Variants in SLC9A7 observed in about 807,000 individuals in gnomAD.
SLC9A7 encodes the protein sodium/hydrogen exchanger 7.
SLC9A7 carries 19 observed loss-of-function variants against 52.6 expected under a neutral mutation model. The ratio of observed to expected loss-of-function variants is 0.36; its 90% CI spans 0.25 to 0.53. The LOEUF is 0.53. Among genes scored for constraint, SLC9A7 ranks in the 20% least tolerant of loss-of-function variants. The pLI is 0.91. For missense variants in SLC9A7, 455 were observed against 597.9 expected (o/e 0.76, Z 2.49); for synonymous variants, 226 against 252.1 (o/e 0.90, Z 0.98).
At position 46,606,625 on chromosome X, in the gene SLC9A7, C is replaced by A. The variant is rs1423856439; in HGVS notation, c.*327G>T. 2.2e-6 allele frequency: 2 copies of A among 915,782 alleles called. No individual in the cohort carries two copies. Among genetic ancestry groups the A allele is most frequent in the Non-Finnish European group, 2.7e-6 (2 of 741,059 alleles). The allele number at this position is 915,782 out of a possible 1,213,427, so 75.5% of individuals were successfully genotyped here. A position where few individuals can be genotyped will look rare whatever the true frequency, so the allele number is the denominator to read the frequency against. The stretch of plus-strand genomic sequence containing the variant: ...TGGGAGGAATCCCCCCACCCAGCAC[C>A]TGCCTCGCCTTGTTCAGATACTGCA... On this transcript the variant is annotated 3_prime_UTR_variant, in exon 17 of 17. Transcript: ENST00000616978.
At chrX:46,750,785 T>G (rs962478742) in intron 1 of SLC9A7, among the ~76,000 whole-genome samples, 2 of 112,430 alleles carry the variant, frequency 1.8e-5, no homozygotes, top group Admixed American at 9.4e-5. Flanking sequence ...AGAAACAACA[T>G]AGTGAATGTT....
intron 16 of SLC9A7, among the ~76,000 whole-genome samples, chrX:46,609,292 G>C (rs1225751764): frequency 8.9e-6 from 1 of 112,059 alleles, no homozygotes; most frequent in East Asian, 2.8e-4. Flanking sequence ...GGGAAGCAGG[G>C]CCTAAATTCA....
intron 15 of SLC9A7, among the ~76,000 whole-genome samples, chrX:46,615,287 C>A (rs1198287796): frequency 8.9e-6 from 1 of 112,310 alleles, no homozygotes; most frequent in Non-Finnish European, 1.9e-5. Flanking sequence ...GTGATCCACT[C>A]GCCTCGGCCT....
Position 46,648,731 on chromosome X carries a change from T to C in SLC9A7, c.1417A>G (p.Arg473Gly). 1 of 1,211,653 alleles carries C rather than the reference T, an allele frequency of 8.3e-7. No homozygotes were observed. The highest frequency in any genetic ancestry group is 1.8e-5 in the South Asian group (1 of 56,987). ...PLSFFLNLGR[R>G]HKIGWNFQHM... ...TGAAAATTCCAGCCAATCTTATGCC[T>C]TCTGCCCAAGTTGAGGAAGAAGGAG... is the stretch of plus-strand genomic sequence containing the variant. The change falls in exon 11 of 17, where the codon AGG becomes GGG. Residue 473 changes from arginine (R) to glycine (G), a missense_variant. By Grantham distance (125) the Arg-to-Gly change is moderately radical. This residue lies in a region of SLC9A7 where 304 missense variants were observed against 417.8 expected (regional missense o/e 0.73). Transcript: ENST00000616978.
At chrX:46,631,453 G>A in intron 14 of SLC9A7, 133 bp downstream of exon 14, 1 of 488,633 alleles carries the variant, frequency 2.0e-6, no homozygotes, top group Non-Finnish European at 3.5e-6. Flanking sequence ...CTTTTAATCT[G>A]TAAAATGGGG....
intron 12 of SLC9A7, among the ~76,000 whole-genome samples, chrX:46,639,925 G>A (rs968029121): frequency 2.7e-5 from 3 of 111,489 alleles, no homozygotes; most frequent in East Asian, 2.8e-4. Context: ...TGCAAAAATC[G>A]AATGAAAGAA....
chrX:46,755,122 A>G (rs1198553071), intron 1 of SLC9A7, among the ~76,000 whole-genome samples: 1 of 112,304 alleles, frequency 8.9e-6, no homozygotes, highest in African/African-American at 3.2e-5. Context: ...AGGAATGCTT[A>G]TAAGTGTCCT....
intron 15 of SLC9A7, among the ~76,000 whole-genome samples, chrX:46,616,801 C>A (rs1217045883): frequency 9.0e-6 from 1 of 111,486 alleles, no homozygotes; most frequent in Non-Finnish European, 1.9e-5. Context: ...TTCTAACAAC[C>A]AATTTTGTCG....
At chrX:46,633,373 A>C (rs1943259113) in intron 13 of SLC9A7, among the ~76,000 whole-genome samples, 1 of 99,316 alleles carries the variant, frequency 1.0e-5, no homozygotes, top group Admixed American at 1.1e-4. Context: ...AAAAAAAAAA[A>C]AAAAAAAACA....
At chrX:46,668,232 G>A (rs182793747) in intron 5 of SLC9A7, among the ~76,000 whole-genome samples, 5 of 112,226 alleles carry the variant, frequency 4.5e-5, no homozygotes, top group Admixed American at 9.5e-5. Flanking sequence ...TTATACAGCC[G>A]GGCACGGTGG....
At chrX:46,720,532 G>A (rs1317780726) in intron 1 of SLC9A7, among the ~76,000 whole-genome samples, 3 of 109,451 alleles carry the variant, frequency 2.7e-5, no homozygotes, top group South Asian at 3.9e-4. Flanking sequence ...GGCTAGTCAC[G>A]CCATGACCCT....
chrX:46,757,670 A>G (rs1922776540), intron 1 of SLC9A7, among the ~76,000 whole-genome samples: 1 of 111,648 alleles, frequency 9.0e-6, no homozygotes, highest in African/African-American at 3.3e-5. Context: ...GAGGATGCCA[A>G]TTCAGGGGCT....
At chrX:46,700,068 G>A (rs998597557) in intron 1 of SLC9A7, among the ~76,000 whole-genome samples, 6 of 108,029 alleles carry the variant, frequency 5.6e-5, no homozygotes, top group South Asian at 4.0e-4. Flanking sequence ...TTGCACCACC[G>A]CACTCCAGCC....
At chrX:46,734,381 C>T (rs150017815) in intron 1 of SLC9A7, among the ~76,000 whole-genome samples, 1,566 of 111,422 alleles carry the variant, frequency 0.014, 63 homozygotes, top group Admixed American at 0.1. Flanking sequence ...ATATTATAGA[C>T]GGAAAGACCC....
At chrX:46,671,533 T>C (rs1944024605) in intron 4 of SLC9A7, among the ~76,000 whole-genome samples, 1 of 110,875 alleles carries the variant, frequency 9.0e-6, no homozygotes, top group Non-Finnish European at 1.9e-5. Flanking sequence ...CCTCCCAAAG[T>C]GCTGGGATTA....
At chrX:46,610,617 G>A (rs1289583326) in intron 16 of SLC9A7, among the ~76,000 whole-genome samples, 6 of 111,602 alleles carry the variant, frequency 5.4e-5, no homozygotes, top group Admixed American at 9.5e-5. Flanking sequence ...GCAGGACCCC[G>A]GCTCAAAGCA....
intron 1 of SLC9A7, among the ~76,000 whole-genome samples, chrX:46,721,129 A>G (rs1311771125): frequency 4.5e-5 from 5 of 112,191 alleles, no homozygotes; most frequent in Admixed American, 3.8e-4. Context: ...GTCCTTTTTG[A>G]AAATATAATT....
chrX:46,661,420 A>AT (rs1036578718), intron 7 of SLC9A7, among the ~76,000 whole-genome samples: 3 of 111,847 alleles, frequency 2.7e-5, no homozygotes, highest in African/African-American at 9.8e-5. Flanking sequence ...TAATTTTGTT[A>AT]TTTTTTTCCA....
rs890011920 is a variant in SLC9A7 at position 46,622,999 on chromosome X, G to T, written c.1741-1940C>A. On this transcript the variant is annotated intron_variant, in intron 14 of 16. Transcript: ENST00000616978. ...TCAAAGGTGTAACTTTGTGAAAAGGGTGTTAAACAACTTCTTATTCCAAGA... is the reference window on the plus strand; with the variant it reads ...TCAAAGGTGTAACTTTGTGAAAAGGTTGTTAAACAACTTCTTATTCCAAGA... 2.7e-5 allele frequency among the ~76,000 whole-genome samples: 3 copies of T among 112,555 alleles called. No individual in the cohort carries two copies. In the Admixed American group the frequency reaches 2.8e-4, roughly 11 times the overall value.
Sources: allele counts gnomAD v4.1 joint callset (sites outside exome capture counted in the v4.1 genomes callset), GRCh38; gene constraint gnomAD v4.1.1; regional missense constraint gnomAD v4.1.1; transcripts MANE v1.5; gene names NCBI Gene and HGNC (gene_info 2026-07-23, HGNC 2026-07-21).